DCTN5: variants seen among roughly 807,000 people sequenced by gnomAD.
DCTN5 encodes dynactin subunit 5.
In DCTN5, 14 loss-of-function variants were observed where a neutral mutation model predicts 23.5. That is an observed-to-expected ratio of 0.60 (90% CI 0.39 to 0.93). DCTN5 has a LOEUF of 0.93. Ranked by LOEUF, DCTN5 falls within the 40% of genes least tolerant of loss-of-function variation. The pLI, the probability that DCTN5 is intolerant of heterozygous loss-of-function variation, is 0.00. For synonymous variants in DCTN5, 67 were observed against 79.6 expected (o/e 0.84, Z 0.84); for missense variants, 156 against 225.9 (o/e 0.69, Z 1.98).
At position 23,655,416 on chromosome 16, in the gene DCTN5, G is replaced by C. The variant is rs907793474; in HGVS notation, c.118-3091G>C. ...TTTTTCTGAGACAGAGTCTTACTCT[G>C]TTGCCCAGGCTGGAGTGCAGCAAGT... On this transcript the variant is annotated intron_variant, in intron 2 of 5. Coordinates refer to ENST00000300087, the MANE Select transcript of DCTN5 (RefSeq NM_032486.4). Among the ~76,000 whole-genome samples, 8 of 152,148 alleles carry C rather than the reference G, an allele frequency of 5.3e-5. No individual in the cohort carries two copies. In the East Asian group the frequency reaches 1.2e-3, roughly 22 times the overall value.
At chr16:23,657,339 C>G (rs549539195) in intron 2 of DCTN5, 1 of 254,136 alleles carries the variant, frequency 3.9e-6, no homozygotes, top group African/African-American at 2.4e-5. Flanking sequence ...ACCTGTAGTC[C>G]CAGCTGCACA....
In DCTN5 at chr16:23,667,570, A is replaced by G. The variant is rs1277220766; in HGVS notation, c.*426A>G. The G allele has an allele frequency of 3.6e-5, 6 of 164,688 alleles. No individual in the cohort carries two copies. The highest frequency in any genetic ancestry group is 6.7e-5 in the Non-Finnish European group (5 of 75,074). 10.2% of individuals were successfully genotyped at this position (164,688 alleles called of 1,614,324 possible). A position where few individuals can be genotyped will look rare whatever the true frequency, so the allele number is the denominator to read the frequency against. ...ACTGCCCATGCTGAGCGCCTCTCAC[A>G]CAGGTAATGCCCAGCTTTTCTGCTG... On this transcript the variant is annotated 3_prime_UTR_variant, in exon 6 of 6. Transcript: ENST00000300087.
At chr16:23,662,537 ACT>A (rs757946533) in intron 4 of DCTN5, among the ~76,000 whole-genome samples, 3 of 152,106 alleles carry the variant, frequency 2.0e-5, no homozygotes, top group Admixed American at 6.5e-5. Flanking sequence ...AAAAGCCAAG[ACT>A]CTGTTTCTTT....
chr16:23,648,819 T>C (rs1034607431), intron 2 of DCTN5, among the ~76,000 whole-genome samples: 4 of 152,092 alleles, frequency 2.6e-5, no homozygotes, highest in Admixed American at 6.6e-5. Flanking sequence ...TGGTACCTCA[T>C]TGTGGTCTTA....
At chr16:23,658,165 A>T (rs1967744770) in intron 2 of DCTN5, among the ~76,000 whole-genome samples, 1 of 152,240 alleles carries the variant, frequency 6.6e-6, no homozygotes, top group Non-Finnish European at 1.5e-5. Context: ...GTAAGCGAGC[A>T]GCCAAGGCTT....
rs111979266 is a variant in DCTN5 at position 23,676,193 on chromosome 16, GA to G, written c.*9063del. ...CTGAATTGATGCCTCAGGTCAGGTT[GA>G]AAAAAAAAAAAAAGGTTCAGACAGC... On this transcript the variant is annotated 3_prime_UTR_variant, in exon 6 of 6. Coordinates refer to ENST00000300087, the MANE Select transcript of DCTN5 (RefSeq NM_032486.4). 6.9e-3 allele frequency: 918 copies of G among 133,862 alleles called. 3 individuals are homozygous for G. Among genetic ancestry groups the G allele is most frequent in the Non-Finnish European group, 9.8e-3 (602 of 61,546 alleles). The allele number at this position is 133,862 out of a possible 1,614,324, so 8.3% of individuals were successfully genotyped here.
rs1967754210 is a variant in DCTN5, at chr16:23,658,551, T to C, written c.162T>C (p.Asn54=). 6.2e-7 allele frequency: 1 copy of C among 1,614,076 alleles called. No individual in the cohort carries two copies. The highest frequency in any genetic ancestry group is 1.1e-5 in the South Asian group (1 of 91,090). Residue 54 remains asparagine (N), a synonymous_variant, in exon 3 of 6, where the codon AAT becomes AAC. Coordinates refer to ENST00000300087, the MANE Select transcript of DCTN5 (RefSeq NM_032486.4). ...NDCIIRGDLA[N]VRVGRHCVVK... ...GTATTATCCGAGGGGATCTGGCAAA[T>C]GTAAGAGTTGGACGTCATTGTGTTG...
intron 3 of DCTN5, among the ~76,000 whole-genome samples, chr16:23,658,881 C>G (rs935530828): frequency 4.6e-5 from 7 of 152,162 alleles, no homozygotes; most frequent in Admixed American, 1.3e-4. Flanking sequence ...ATAATGGAAC[C>G]TAAGAGGAGG....
chr16:23,647,598 C>A (rs1967496530), intron 2 of DCTN5, among the ~76,000 whole-genome samples: 1 of 151,604 alleles, frequency 6.6e-6, no homozygotes. Context: ...GCCTCCACTT[C>A]CCAGGTTCAA....
intron 2 of DCTN5, among the ~76,000 whole-genome samples, chr16:23,643,962 T>A (rs533343183): frequency 6.6e-6 from 1 of 152,214 alleles, no homozygotes; most frequent in East Asian, 1.9e-4. Flanking sequence ...AATTTTTCTT[T>A]AAATATTACA....
chr16:23,641,992 C>T (rs573675309), intron 1 of DCTN5, among the ~76,000 whole-genome samples: 2 of 152,198 alleles, frequency 1.3e-5, no homozygotes, highest in East Asian at 1.9e-4. Context: ...AGGGCCGCGG[C>T]GCGATCTCTG....
At position 23,658,493 on chromosome 16, in the gene DCTN5, G is replaced by A; in HGVS notation, c.118-14G>A. 1.3e-6 allele frequency: 2 copies of A among 1,594,528 alleles called. No homozygotes were observed. Among genetic ancestry groups the A allele is most frequent in the Non-Finnish European group, 1.7e-6 (2 of 1,162,896 alleles). On this transcript the variant is annotated splice_polypyrimidine_tract_variant and intron_variant, in intron 2 of 5. Coordinates refer to ENST00000300087, the MANE Select transcript of DCTN5 (RefSeq NM_032486.4). ...CTATGTTGCTAATTTTTTAAAATTT[G>A]CTTCGTCTTACAGACCATTGTGATG...
At chr16:23,654,302 A>C (rs562662164) in intron 2 of DCTN5, among the ~76,000 whole-genome samples, 4 of 152,356 alleles carry the variant, frequency 2.6e-5, no homozygotes, top group African/African-American at 9.6e-5. Flanking sequence ...AGACTGGATA[A>C]AGAAAATGTG....
In DCTN5 at chr16:23,642,938, C is replaced by T. The variant is rs376915818; in HGVS notation, c.49-17C>T. 118 of 1,613,086 alleles carry T rather than the reference C, an allele frequency of 7.3e-5. No homozygotes were observed. The highest frequency in any genetic ancestry group is 9.6e-5 in the Non-Finnish European group (113 of 1,179,174). ...TATTAAGTTTGCTTTCCCCGGTTTTCCGTTGTTTTCTTTTAGGCATCTGGG... is the reference window on the plus strand; with the variant it reads ...TATTAAGTTTGCTTTCCCCGGTTTTTCGTTGTTTTCTTTTAGGCATCTGGG... On this transcript the variant is annotated splice_polypyrimidine_tract_variant and intron_variant, in intron 1 of 5. Transcript: ENST00000300087.
chr16:23,643,461 G>A (rs890310912), intron 2 of DCTN5, among the ~76,000 whole-genome samples: 7 of 151,970 alleles, frequency 4.6e-5, no homozygotes, highest in African/African-American at 1.7e-4. Context: ...CCAAAGTGCT[G>A]GGATTATAGG....
chr16:23,661,210 A>G lies in DCTN5; in HGVS notation c.277A>G (p.Ile93Val). ...TTTACATATTGGAGACCATGTCTTT[A>G]TTGAGGAAGATTGTGTGGTCAACGC... Reference protein sequence around the residue: ...FPLHIGDHVFIEEDCVVNAAQ... With the variant: ...FPLHIGDHVFVEEDCVVNAAQ... The change falls in exon 4 of 6, where the codon ATT becomes GTT. Residue 93 changes from isoleucine to valine, a missense_variant. Around this residue, in one of 2 missense-constraint regions of DCTN5, gnomAD observed 153 missense variants for 206.8 expected, o/e 0.74. Coordinates refer to ENST00000300087, the MANE Select transcript of DCTN5 (RefSeq NM_032486.4). 6.2e-7 allele frequency: 1 copy of G among 1,613,014 alleles called. No homozygotes were observed. Among genetic ancestry groups the G allele is most frequent in the Non-Finnish European group, 8.5e-7 (1 of 1,179,570 alleles).
rs371491502 is a variant in DCTN5 at position 23,667,641 on chromosome 16, A to G, written c.*497A>G. On this transcript the variant is annotated 3_prime_UTR_variant, in exon 6 of 6. Coordinates refer to ENST00000300087, the MANE Select transcript of DCTN5 (RefSeq NM_032486.4). ...TTGCAGTTGCTCATCATCTTGGGAA[A>G]GGTGTTTGTGACTTTTCAGAGCCCA... 245 of 157,012 alleles carry G rather than the reference A, an allele frequency of 1.6e-3. No individual in the cohort carries two copies. Among genetic ancestry groups the G allele is most frequent in the African/African-American group, 5.3e-3 (221 of 41,674 alleles). 9.7% of individuals were successfully genotyped at this position (157,012 alleles called of 1,614,324 possible).
At chr16:23,645,128 TA>T (rs869243264) in intron 2 of DCTN5, among the ~76,000 whole-genome samples, 411 of 38,542 alleles carry the variant, frequency 0.011, 2 homozygotes, top group Non-Finnish European at 0.015. Flanking sequence ...TATATATATA[TA>T]TATATATATT....
intron 2 of DCTN5, among the ~76,000 whole-genome samples, chr16:23,646,532 T>A (rs755864031): frequency 6.6e-6 from 1 of 152,172 alleles, no homozygotes; most frequent in Non-Finnish European, 1.5e-5. Flanking sequence ...AGAGCGTTAA[T>A]GGTCTTAGTG....
Sources: gnomAD v4.1 joint callset for allele counts (sites outside exome capture counted in the v4.1 genomes callset) on GRCh38, gnomAD v4.1.1 for gene constraint, gnomAD v4.1.1 regional missense constraint, MANE v1.5 for transcripts, NCBI Gene and HGNC (gene_info 2026-07-23, HGNC 2026-07-21) for gene names.